MTREX: variants seen among roughly 807,000 people sequenced by gnomAD.
MTREX encodes exosome RNA helicase MTR4.
Under a neutral mutation model 135.4 loss-of-function variants are expected in MTREX, and 76 were observed. The observed-to-expected ratio is 0.56, with a 90% CI of 0.47 to 0.68. MTREX has a LOEUF of 0.68. Among genes scored for constraint, MTREX ranks in the 30% least tolerant of loss-of-function variants. The pLI, the probability that MTREX is intolerant of heterozygous loss-of-function variation, is 0.00. For synonymous variants in MTREX, 404 were observed against 401.6 expected, an observed-to-expected ratio of 1.01 and a Z score of -0.07; for missense variants, 920 against 1,262.1, an observed-to-expected ratio of 0.73 and a Z score of 4.11.
chr5:55,398,641 C>T (rs1750679941), intron 20 of MTREX, among the ~76,000 whole-genome samples: 1 of 152,080 alleles, frequency 6.6e-6, no homozygotes, highest in Non-Finnish European at 1.5e-5. Context: ...TAAGTAATGC[C>T]ATTATTTTGA....
intron 1 of MTREX, among the ~76,000 whole-genome samples, chr5:55,318,925 A>G (rs956946373): frequency 8.5e-5 from 13 of 152,126 alleles, no homozygotes; most frequent in Non-Finnish European, 1.3e-4. Flanking sequence ...ATTTGACATA[A>G]TTTCAGACTT....
intron 12 of MTREX, 107 bp from the exon 13 acceptor site, chr5:55,350,812 T>C (rs1749815314): frequency 1.1e-6 from 1 of 893,122 alleles, no homozygotes; most frequent in Non-Finnish European, 1.7e-6. Flanking sequence ...TTTTATTAAG[T>C]TTCTTTAAAG....
chr5:55,371,681 C>G (rs1221071250), intron 16 of MTREX, among the ~76,000 whole-genome samples: 1 of 152,052 alleles, frequency 6.6e-6, no homozygotes, highest in Non-Finnish European at 1.5e-5. Flanking sequence ...CAAGTTGCCT[C>G]ATTAATTTAT....
intron 22 of MTREX, 36 bp from the exon 23 acceptor site, chr5:55,410,488 A>G (rs1459973086): frequency 7.7e-7 from 1 of 1,292,118 alleles, no homozygotes; most frequent in Non-Finnish European, 1.1e-6. Context: ...GTGTCTTTAT[A>G]TTCTGACATT....
intron 21 of MTREX, among the ~76,000 whole-genome samples, chr5:55,401,793 T>G (rs1462990100): frequency 1.3e-5 from 2 of 152,194 alleles, no homozygotes; most frequent in African/African-American, 2.4e-5. Flanking sequence ...AGAAAAAGCT[T>G]TTTGACGTGA....
chr5:55,353,357 C>G, intron 14 of MTREX, 88 bp downstream of exon 14: 1 of 764,262 alleles, frequency 1.3e-6, no homozygotes, highest in Non-Finnish European at 2.1e-6. Flanking sequence ...GATTTTAAGT[C>G]CCACCTACTT....
intron 18 of MTREX, among the ~76,000 whole-genome samples, chr5:55,381,215 T>A (rs1290130532): frequency 6.6e-6 from 1 of 152,070 alleles, no homozygotes; most frequent in African/African-American, 2.4e-5. Flanking sequence ...TTTTACTGAT[T>A]TTTTTTCCCT....
intron 12 of MTREX, among the ~76,000 whole-genome samples, chr5:55,350,445 C>T (rs185449255): frequency 1.3e-4 from 20 of 152,220 alleles, no homozygotes; most frequent in African/African-American, 3.4e-4. Flanking sequence ...TTTGTTATAG[C>T]GCACTTCTAG....
chr5:55,387,939 A>G, intron 18 of MTREX, 35 bp from the exon 19 acceptor site: 1 of 1,545,490 alleles, frequency 6.5e-7, no homozygotes, highest in Non-Finnish European at 8.8e-7. Context: ...CCAGTTTCTT[A>G]AGAATGAATG....
At chr5:55,308,198 GA>G (rs756874353) in intron 1 of MTREX, 51 bp downstream of exon 1, 1 of 1,534,148 alleles carries the variant, frequency 6.5e-7, no homozygotes, top group East Asian at 2.3e-5. Flanking sequence ...CGGTGGGGAG[GA>G]AGAAAACACT....
chr5:55,332,271 TGTAGA>T lies in MTREX; in HGVS notation c.515+3461_515+3465del, dbSNP rs201142357. ...ATGTGGATGGCGTTTTGCAATCTGT[TGTAGA>T]TTGACTCTTTTGATTTAACTTTTAC... On this transcript the variant is annotated intron_variant, in intron 5 of 26. Coordinates refer to ENST00000230640, the MANE Select transcript of MTREX (RefSeq NM_015360.5). Among the ~76,000 whole-genome samples the T allele has an allele frequency of 5.4e-3, 824 of 152,336 alleles. 4 individuals are homozygous for T. Among genetic ancestry groups the T allele is most frequent in the African/African-American group, 0.019 (794 of 41,568 alleles).
intron 20 of MTREX, among the ~76,000 whole-genome samples, chr5:55,399,983 C>G (rs1052178336): frequency 2.0e-5 from 3 of 152,140 alleles, no homozygotes; most frequent in Non-Finnish European, 4.4e-5. Context: ...GGACTATGAT[C>G]AAATTGTGAC....
chr5:55,342,938 C>T (rs1236943794), intron 7 of MTREX, among the ~76,000 whole-genome samples: 3 of 152,174 alleles, frequency 2.0e-5, no homozygotes, highest in South Asian at 2.1e-4. Flanking sequence ...TTTGGGTGAA[C>T]GATGCCGTCT....
intron 21 of MTREX, among the ~76,000 whole-genome samples, chr5:55,402,817 A>G (rs1750742325): frequency 3.0e-5 from 2 of 66,134 alleles, no homozygotes; most frequent in South Asian, 1.6e-3. Context: ...ATATAAGCAC[A>G]TTATATGTGT....
intron 14 of MTREX, 58 bp from the exon 15 acceptor site, chr5:55,358,515 G>A (rs1457416165): frequency 7.2e-7 from 1 of 1,392,976 alleles, no homozygotes. Flanking sequence ...GAAATTTTAA[G>A]AATATGTTTT....
intron 16 of MTREX, among the ~76,000 whole-genome samples, chr5:55,371,317 T>C (rs1299965007): frequency 1.3e-5 from 2 of 152,128 alleles, no homozygotes; most frequent in Non-Finnish European, 2.9e-5. Context: ...ACTTGTAAAA[T>C]TTGCTTAGTT....
chr5:55,406,290 A>G lies in MTREX; in HGVS notation c.2645+702A>G, dbSNP rs185927213. On this transcript the variant is annotated intron_variant, in intron 22 of 26. Coordinates refer to ENST00000230640, the MANE Select transcript of MTREX (RefSeq NM_015360.5). ...CTCTGTCCCCCAGGATTGCCGTCAGACAGGTGGTTAAGCTGAAACAGTAGG... is the reference window on the plus strand; with the variant it reads ...CTCTGTCCCCCAGGATTGCCGTCAGGCAGGTGGTTAAGCTGAAACAGTAGG... Among the ~76,000 whole-genome samples the G allele has an allele frequency of 1.1e-3, 160 of 152,296 alleles. 1 individual carries two copies. Among genetic ancestry groups the G allele is most frequent in the African/African-American group, 3.7e-3 (154 of 41,560 alleles).
At chr5:55,317,819 C>CT (rs1191649268) in intron 1 of MTREX, among the ~76,000 whole-genome samples, 3 of 152,152 alleles carry the variant, frequency 2.0e-5, no homozygotes, top group Non-Finnish European at 4.4e-5. Flanking sequence ...GCAAAAGAAA[C>CT]TATCAACAGA....
At chr5:55,400,882 T>C (rs531794367) in intron 21 of MTREX, among the ~76,000 whole-genome samples, 2 of 152,338 alleles carry the variant, frequency 1.3e-5, no homozygotes, top group Admixed American at 1.3e-4. Flanking sequence ...TTTTGCCTAT[T>C]CTGGATATTT....
Sources: gnomAD v4.1 joint callset for allele counts (sites outside exome capture counted in the v4.1 genomes callset) on GRCh38, gnomAD v4.1.1 for gene constraint, MANE v1.5 for transcripts, NCBI Gene and HGNC (gene_info 2026-07-23, HGNC 2026-07-21) for gene names.